CEP63: variants seen among roughly 807,000 people sequenced by gnomAD.
CEP63 encodes centrosomal protein 63.
Under a neutral mutation model 89.1 loss-of-function variants are expected in CEP63, and 84 were observed. That is an observed-to-expected ratio of 0.94 (90% confidence interval 0.79 to 1.13). CEP63 has a LOEUF of 1.13. Ranked by LOEUF, CEP63 falls within the 50% of genes most tolerant of loss-of-function variation. CEP63 has a pLI of 0.00. For synonymous variants in CEP63, 267 were observed against 272.5 expected, an observed-to-expected ratio of 0.98 and a Z score of 0.20; for missense variants, 838 against 813.3, an observed-to-expected ratio of 1.03 and a Z score of -0.37.
At chr3:134,703,702 G>C in the CEP63 span, among the ~76,000 whole-genome samples, 1 of 152,054 alleles carries the variant, frequency 6.6e-6, no homozygotes. Flanking sequence ...CTAGGTGATG[G>C]GATGATCTGT....
rs1956928016 is a variant in CEP63, at chr3:134,559,389, T to C, written c.1913T>C (p.Met638Thr). Residue 638 changes from methionine (M) to threonine (T), a missense_variant, in exon 14 of 15, where the codon ATG (methionine) becomes ACG (threonine). Transcript: ENST00000675561. ...AATGAAGCCAATTTTTCTGACACTA[T>C]GTCTGAGAGTATGAATGACCAAGAA... ...DTNEANFSDT[M>T]SESMNDQEEF... is the part of the protein sequence containing the mutation. 1 of 1,613,946 alleles carries C rather than the reference T, an allele frequency of 6.2e-7. No homozygotes were observed. The highest frequency in any genetic ancestry group is 8.5e-7 in the Non-Finnish European group (1 of 1,179,790).
the CEP63 span, among the ~76,000 whole-genome samples, chr3:134,670,971 A>G: frequency 3.3e-5 from 5 of 152,362 alleles, no homozygotes; most frequent in East Asian, 7.7e-4. Flanking sequence ...GCAAAACAAT[A>G]TATATTGTCT....
the CEP63 span, among the ~76,000 whole-genome samples, chr3:134,641,835 G>C: frequency 2.4e-4 from 36 of 152,172 alleles, no homozygotes; most frequent in Non-Finnish European, 4.4e-4. Context: ...CTCCTCACTA[G>C]GATGTCAGCT....
the CEP63 span, among the ~76,000 whole-genome samples, chr3:134,674,729 A>G: frequency 1.1e-4 from 17 of 152,336 alleles, no homozygotes; most frequent in African/African-American, 3.6e-4. Context: ...AGGTAGCAGG[A>G]AACAAGATCA....
At chr3:134,645,158 C>T in the CEP63 span, among the ~76,000 whole-genome samples, 3 of 152,312 alleles carry the variant, frequency 2.0e-5, no homozygotes, top group African/African-American at 7.2e-5. Flanking sequence ...AGACTTTGTC[C>T]AGGACCAAGG....
chr3:134,746,541 G>A, the CEP63 span, among the ~76,000 whole-genome samples: 3 of 152,192 alleles, frequency 2.0e-5, no homozygotes, highest in Admixed American at 2.0e-4. Context: ...CCCATCAACA[G>A]TGTAAAAGCA....
the CEP63 span, among the ~76,000 whole-genome samples, chr3:134,672,281 A>G: frequency 6.6e-6 from 1 of 152,242 alleles, no homozygotes; most frequent in Non-Finnish European, 1.5e-5. Context: ...GGAATAAATG[A>G]GATTTCACAT....
the CEP63 span, among the ~76,000 whole-genome samples, chr3:134,781,487 A>G: frequency 6.6e-6 from 1 of 152,220 alleles, no homozygotes. Context: ...AACAACAGAC[A>G]CTGGGGACGG....
chr3:134,740,485 G>T, the CEP63 span, among the ~76,000 whole-genome samples: 3 of 152,010 alleles, frequency 2.0e-5, no homozygotes, highest in Non-Finnish European at 4.4e-5. Flanking sequence ...TTTTAGTAGA[G>T]ATGGGGGTTC....
chr3:134,777,136 G>A, the CEP63 span, among the ~76,000 whole-genome samples: 1 of 152,196 alleles, frequency 6.6e-6, no homozygotes, highest in African/African-American at 2.4e-5. Flanking sequence ...CTCAGTGAAG[G>A]TGTTAAAAAA....
the CEP63 span, among the ~76,000 whole-genome samples, chr3:134,681,299 C>T: frequency 1.3e-5 from 2 of 152,246 alleles, no homozygotes; most frequent in South Asian, 2.1e-4. Flanking sequence ...CCTTCAGAGA[C>T]GATCTGTGAA....
chr3:134,657,928 G>A, the CEP63 span, among the ~76,000 whole-genome samples: 10 of 151,906 alleles, frequency 6.6e-5, no homozygotes, highest in South Asian at 2.1e-4. Context: ...ATGAAGTCTC[G>A]TTCTGTCACC....
intron 5 of CEP63, 110 bp downstream of exon 5, chr3:134,533,010 TGCCACTAA>T (rs1016851940): frequency 1.8e-6 from 2 of 1,103,452 alleles, no homozygotes; most frequent in African/African-American, 3.1e-5. Context: ...TCTTAAGGAC[TGCCACTAA>T]GCTATTTCAG....
At chr3:134,546,579 A>G (rs1220312460) in intron 8 of CEP63, among the ~76,000 whole-genome samples, 3 of 152,112 alleles carry the variant, frequency 2.0e-5, no homozygotes, top group African/African-American at 7.2e-5. Context: ...CCGGTCTTAA[A>G]TTCCTAACCT....
intron 3 of CEP63, among the ~76,000 whole-genome samples, chr3:134,508,776 G>A (rs900065794): frequency 6.6e-6 from 1 of 152,148 alleles, no homozygotes; most frequent in Non-Finnish European, 1.5e-5. Context: ...AGGATATGAA[G>A]ATGTTAAGTT....
chr3:134,559,603 G>A, intron 14 of CEP63, among the ~76,000 whole-genome samples, 174 bp downstream of exon 14: 1 of 151,820 alleles, frequency 6.6e-6, no homozygotes, highest in East Asian at 1.9e-4. Flanking sequence ...AGACACTTTC[G>A]GCCAAGACTA....
chr3:134,776,628 G>T, the CEP63 span, among the ~76,000 whole-genome samples: 8 of 152,160 alleles, frequency 5.3e-5, no homozygotes, highest in Non-Finnish European at 1.0e-4. Flanking sequence ...GTGAAGCCAG[G>T]AGTACACGCT....
chr3:134,618,867 G>A, the CEP63 span, among the ~76,000 whole-genome samples: 2 of 152,212 alleles, frequency 1.3e-5, no homozygotes, highest in African/African-American at 4.8e-5. Flanking sequence ...CAGCTGCATA[G>A]AGATGGGAGA....
chr3:134,774,987 TAA>T, the CEP63 span, among the ~76,000 whole-genome samples: 1 of 152,204 alleles, frequency 6.6e-6, no homozygotes, highest in South Asian at 2.1e-4. Flanking sequence ...AACTGGTGTA[TAA>T]ATACCCCAGC....
Sources: allele counts gnomAD v4.1 joint callset (sites outside exome capture counted in the v4.1 genomes callset), GRCh38; gene constraint gnomAD v4.1.1; transcripts MANE v1.5; gene names NCBI Gene and HGNC (gene_info 2026-07-23, HGNC 2026-07-21).